Variants in NFIA observed in about 807,000 individuals in gnomAD.
NFIA encodes the protein nuclear factor 1 A-type.
NFIA carries 8 observed loss-of-function variants against 62.8 expected under a neutral mutation model. The observed-to-expected ratio is 0.13, with a 90% CI of 0.07 to 0.23. The LOEUF (loss-of-function observed/expected upper bound fraction) is 0.23, where lower values mean the gene tolerates loss of function less well. Among genes scored for constraint, NFIA ranks in the 10% least tolerant of loss-of-function variants. The pLI is 1.00. For missense variants in NFIA, 410 were observed against 642.1 expected, an observed-to-expected ratio of 0.64 and a Z score of 3.91; for synonymous variants, 235 against 238.1, an observed-to-expected ratio of 0.99 and a Z score of 0.12.
intron 5 of NFIA, among the ~76,000 whole-genome samples, chr1:61,352,775 A>ACG (rs1662620450): frequency 6.6e-6 from 1 of 150,600 alleles, no homozygotes; most frequent in Admixed American, 6.6e-5. Context: ...ACACACACAC[A>ACG]CACACACACG....
In NFIA at chr1:61,404,267, G is replaced by A; in HGVS notation, c.1239G>A (p.Gln413=). The A allele has an allele frequency of 6.2e-7, 1 of 1,609,160 alleles. No individual in the cohort carries two copies. The highest frequency in any genetic ancestry group is 8.5e-7 in the Non-Finnish European group (1 of 1,178,302). ...CTGATGCTGGTCAGCAGGCTGGACA[G>A]GTGGGGTTCCTCAATGTAAGGAAAC... is the stretch of plus-strand genomic sequence containing the variant. ...VCPDAGQQAG[Q]VGFLNPNGSS... The change falls in exon 8 of 11, where the codon CAG becomes CAA. Residue 413 remains glutamine, a synonymous_variant. Transcript: ENST00000403491.
intron 2 of NFIA, among the ~76,000 whole-genome samples, chr1:61,230,869 GAC>G (rs1654632729): frequency 6.6e-6 from 1 of 152,122 alleles, no homozygotes; most frequent in South Asian, 2.1e-4. Context: ...TTCTCTACAG[GAC>G]ACTCTCCATC....
chr1:61,272,562 T>C (rs918298782), intron 2 of NFIA, among the ~76,000 whole-genome samples: 13 of 152,206 alleles, frequency 8.5e-5, no homozygotes, highest in African/African-American at 2.7e-4. Flanking sequence ...CTTATAGATG[T>C]AGAAAAATGA....
intron 9 of NFIA, among the ~76,000 whole-genome samples, chr1:61,413,036 A>G (rs982753345): frequency 1.4e-4 from 22 of 152,212 alleles, no homozygotes; most frequent in African/African-American, 5.3e-4. Flanking sequence ...GGAAGATAAA[A>G]CATGCATATT....
At chr1:61,327,114 A>G (rs6670529) in intron 3 of NFIA, among the ~76,000 whole-genome samples, 73,147 of 147,604 alleles carry the variant, frequency 0.5, 21,229 homozygotes, top group South Asian at 0.71. Context: ...TATTTATTAT[A>G]TATTTTTTCA....
intron 7 of NFIA, among the ~76,000 whole-genome samples, chr1:61,398,329 A>G (rs1433006939): frequency 6.6e-6 from 1 of 152,200 alleles, no homozygotes; most frequent in Non-Finnish European, 1.5e-5. Context: ...GAAGTAGCTA[A>G]AATTGATCTA....
At chr1:61,356,825 CT>C (rs1662978985) in intron 5 of NFIA, among the ~76,000 whole-genome samples, 1 of 152,168 alleles carries the variant, frequency 6.6e-6, no homozygotes, top group Non-Finnish European at 1.5e-5. Flanking sequence ...GCTAAGAATA[CT>C]GGAATGCCAA....
chr1:61,278,128 A>G (rs568636220), intron 3 of NFIA, among the ~76,000 whole-genome samples: 5 of 152,332 alleles, frequency 3.3e-5, no homozygotes, highest in Admixed American at 2.0e-4. Flanking sequence ...GATACAGGGC[A>G]GCATTAAATT....
chr1:61,456,523 A>G lies in NFIA; in HGVS notation c.*1203A>G, dbSNP rs947441293. On this transcript the variant is annotated 3_prime_UTR_variant, in exon 11 of 11. Coordinates refer to ENST00000403491, the MANE Select transcript of NFIA (RefSeq NM_001134673.4). ...TTAATTTTATAAGCTAGAAGTCACT[A>G]TAATGGATTACGCCAATTCTAAAAA... 2 of 152,252 alleles carry G rather than the reference A, an allele frequency of 1.3e-5. No homozygotes were observed. The highest frequency in any genetic ancestry group is 2.4e-5 in the African/African-American group (1 of 41,406). The allele number at this position is 152,252 out of a possible 1,614,324, so 9.4% of individuals were successfully genotyped here. A position where few individuals can be genotyped will look rare whatever the true frequency, so the allele number is the denominator to read the frequency against.
At chr1:61,339,903 A>G (rs148040629) in intron 4 of NFIA, among the ~76,000 whole-genome samples, 1 of 152,214 alleles carries the variant, frequency 6.6e-6, no homozygotes, top group Non-Finnish European at 1.5e-5. Context: ...TAAAAGGTGC[A>G]TATACCTTGT....
chr1:61,209,563 C>A (rs890621984), intron 2 of NFIA, among the ~76,000 whole-genome samples: 1 of 151,854 alleles, frequency 6.6e-6, no homozygotes, highest in Non-Finnish European at 1.5e-5. Context: ...ATACCTGATA[C>A]CTGTAATCCC....
At position 61,223,627 on chromosome 1, in the gene NFIA, G is replaced by A. The variant is rs79515453; in HGVS notation, c.560-53893G>A. Reference sequence around the variant, plus strand: ...TTGTTGACTTTCTCTGAGATTCCACGATTCCAGAATTGTTTTTTTGTAAAT... The same window carrying A: ...TTGTTGACTTTCTCTGAGATTCCACAATTCCAGAATTGTTTTTTTGTAAAT... On this transcript the variant is annotated intron_variant, in intron 2 of 10. Transcript: ENST00000403491. Among the ~76,000 whole-genome samples the A allele has an allele frequency of 2.5e-4, 38 of 152,066 alleles. 1 individual carries two copies. The East Asian group carries it at 6.0e-3, about 24-fold the overall frequency.
rs146236273 is a variant in NFIA, at chr1:61,352,532, A to G, written c.783A>G (p.Ala261=). 1.2e-6 allele frequency: 2 copies of G among 1,613,848 alleles called. No homozygotes were observed. Among genetic ancestry groups the G allele is most frequent in the African/African-American group, 2.7e-5 (2 of 74,912 alleles). ...SSSYYSMSPG[A]MRRSLPSTSS... ...CATACTACAGCATGAGTCCAGGAGCAATGAGGAGGTCTTTACCCAGCACAT... is the reference window on the plus strand; with the variant it reads ...CATACTACAGCATGAGTCCAGGAGCGATGAGGAGGTCTTTACCCAGCACAT... Residue 261 remains alanine, a synonymous_variant, in exon 5 of 11, where the codon GCA becomes GCG. Transcript: ENST00000403491.
intron 7 of NFIA, among the ~76,000 whole-genome samples, chr1:61,391,168 C>T (rs1050063331): frequency 2.0e-5 from 3 of 152,090 alleles, no homozygotes; most frequent in Non-Finnish European, 2.9e-5. Flanking sequence ...TCAAGGGATC[C>T]TCCTGCCTCA....
At chr1:61,422,597 G>A (rs918795942) in intron 9 of NFIA, among the ~76,000 whole-genome samples, 4 of 152,070 alleles carry the variant, frequency 2.6e-5, no homozygotes, top group East Asian at 3.9e-4. Flanking sequence ...TTCTGAGGAC[G>A]TAGAGGCCGT....
chr1:61,360,208 A>G (rs963520973), intron 6 of NFIA, among the ~76,000 whole-genome samples: 1 of 152,232 alleles, frequency 6.6e-6, no homozygotes, highest in African/African-American at 2.4e-5. Context: ...TCTTGGGAGT[A>G]ATATGGATAA....
rs1220208728 is a variant in NFIA at position 61,383,161 on chromosome 1, A to G, written c.947-76A>G. 2.0e-6 allele frequency: 3 copies of G among 1,534,508 alleles called. No homozygotes were observed. In the African/African-American group the frequency reaches 4.1e-5, roughly 21 times the overall value. The stretch of plus-strand genomic sequence containing the variant: ...TCTTTTTGTTTGTTTTTAATTCTTT[A>G]AATGTTATCTTTTAGGTTGCACAAA... On this transcript the variant is annotated intron_variant, in intron 6 of 10. Coordinates refer to ENST00000403491, the MANE Select transcript of NFIA (RefSeq NM_001134673.4).
At position 61,441,335 on chromosome 1, in the gene NFIA, C is replaced by G. The variant is rs2499538; in HGVS notation, c.1513-13968C>G. 3.0e-3 allele frequency among the ~76,000 whole-genome samples: 251 copies of G among 82,318 alleles called. 2 individuals carry two copies. Among genetic ancestry groups the G allele is most frequent in the South Asian group, 0.017 (31 of 1,824 alleles). The allele number at this position is 82,318 out of a possible 152,430, so 54.0% of individuals were successfully genotyped here. A position where few individuals can be genotyped will look rare whatever the true frequency, so the allele number is the denominator to read the frequency against. ...TGTGTGTGTGTGTGTGTGTGTGTGT[C>G]TGTCTGTCTGTCTGTCTGTGTAACC... is the stretch of plus-strand genomic sequence containing the variant. On this transcript the variant is annotated intron_variant, in intron 10 of 10. Coordinates refer to ENST00000403491, the MANE Select transcript of NFIA (RefSeq NM_001134673.4).
In NFIA at chr1:61,294,774, T is replaced by G. The variant is rs1369611348; in HGVS notation, c.625+17189T>G. The stretch of plus-strand genomic sequence containing the variant: ...CATTTCTTATGCTTCGCTATATCCC[T>G]GTTGTCTGGTGCAGTGTGTGCAGTG... On this transcript the variant is annotated intron_variant, in intron 3 of 10. Coordinates refer to ENST00000403491, the MANE Select transcript of NFIA (RefSeq NM_001134673.4). 3.9e-5 allele frequency among the ~76,000 whole-genome samples: 6 copies of G among 152,224 alleles called. No individual in the cohort carries two copies. The South Asian group carries it at 6.2e-4, about 16-fold the overall frequency.
Sources: allele counts gnomAD v4.1 joint callset (sites outside exome capture counted in the v4.1 genomes callset), GRCh38; gene constraint gnomAD v4.1.1; transcripts MANE v1.5; gene names NCBI Gene and HGNC (gene_info 2026-07-23, HGNC 2026-07-21).